Variants in BRSK1 observed in about 807,000 individuals in gnomAD.
BRSK1 encodes the protein serine/threonine-protein kinase BRSK1.
A neutral mutation model predicts 86.2 loss-of-function variants in BRSK1; 17 were observed. That is an observed-to-expected ratio of 0.20 (90% CI 0.14 to 0.30). The LOEUF (loss-of-function observed/expected upper bound fraction) is 0.30, where lower values mean the gene tolerates loss of function less well. BRSK1 is among the 10% of genes least tolerant of loss of function. The pLI is 1.00. For missense variants in BRSK1, 719 were observed against 1,071.9 expected, an observed-to-expected ratio of 0.67 and a Z score of 4.60; for synonymous variants, 464 against 440.1, an observed-to-expected ratio of 1.05 and a Z score of -0.68.
intron 18 of BRSK1, among the ~76,000 whole-genome samples, chr19:55,311,296 C>T (rs1450581063): frequency 2.6e-5 from 4 of 152,114 alleles, no homozygotes; most frequent in South Asian, 2.1e-4. Flanking sequence ...ACGAGGTCTC[C>T]GCCACGGGAC....
chr19:55,302,670 C>A lies in BRSK1; in HGVS notation c.858-27C>A. The A allele has an allele frequency of 6.3e-7, 1 of 1,587,540 alleles. No homozygotes were observed. The highest frequency in any genetic ancestry group is 8.6e-7 in the Non-Finnish European group (1 of 1,163,366). On this transcript the variant is annotated intron_variant, in intron 9 of 18. Transcript: ENST00000309383. This position sits in a 1 kb window ranked among gnomAD's most constrained non-coding sequence, Gnocchi z 6.3. ...AATGCTGAATCTCAGAAGCCCGGTTCCCAATAATGTTTCTCCACTTCCCCA... is the reference window on the plus strand; with the variant it reads ...AATGCTGAATCTCAGAAGCCCGGTTACCAATAATGTTTCTCCACTTCCCCA...
intron 7 of BRSK1, among the ~76,000 whole-genome samples, chr19:55,299,087 C>T (rs1405021126): frequency 2.6e-5 from 4 of 152,002 alleles, no homozygotes; most frequent in Non-Finnish European, 5.9e-5. Flanking sequence ...ACCCGGGAGG[C>T]GGAGGCTGCA....
In BRSK1 at chr19:55,301,499, A is replaced by G. The variant is rs2088568624; in HGVS notation, c.679-13A>G. On this transcript the variant is annotated splice_polypyrimidine_tract_variant and intron_variant, in intron 7 of 18. Transcript: ENST00000309383. ...AATGTGCTAATGAGGGGTCCTGGTTATCTCTTGCCCAGGGGGCTCTGCCCT... is the reference window on the plus strand; with the variant it reads ...AATGTGCTAATGAGGGGTCCTGGTTGTCTCTTGCCCAGGGGGCTCTGCCCT... 6.2e-7 allele frequency: 1 copy of G among 1,612,864 alleles called. No homozygotes were observed. The highest frequency in any genetic ancestry group is 8.5e-7 in the Non-Finnish European group (1 of 1,179,620).
intron 7 of BRSK1, among the ~76,000 whole-genome samples, chr19:55,298,191 CTTTTT>C (rs377504520): frequency 1.4e-5 from 1 of 70,362 alleles, no homozygotes; most frequent in African/African-American, 5.1e-5. Flanking sequence ...GTAGTTTATT[CTTTTT>C]TTTTTGTTTC....
chr19:55,300,841 C>CA (rs1434936321), intron 7 of BRSK1, among the ~76,000 whole-genome samples: 2 of 151,930 alleles, frequency 1.3e-5, no homozygotes, highest in Non-Finnish European at 2.9e-5. Context: ...AACTCCATCT[C>CA]AAAAAAGAAA....
chr19:55,298,765 G>A (rs961214975), intron 7 of BRSK1, among the ~76,000 whole-genome samples: 17 of 152,100 alleles, frequency 1.1e-4, no homozygotes, highest in Admixed American at 1.1e-3. Context: ...TGGCAATTTC[G>A]TTGTTTAAAA....
At chr19:55,293,497 A>G (rs1164669534) in intron 4 of BRSK1, among the ~76,000 whole-genome samples, 1 of 150,562 alleles carries the variant, frequency 6.6e-6, no homozygotes, top group East Asian at 2.0e-4. Flanking sequence ...ATGAGACTCC[A>G]TCTCAATAAA....
chr19:55,297,010 C>T (rs931061391), intron 7 of BRSK1, among the ~76,000 whole-genome samples: 1 of 150,372 alleles, frequency 6.7e-6, no homozygotes, highest in African/African-American at 2.4e-5. Context: ...AGTGACACCT[C>T]GTCTCAAAAA....
intron 17 of BRSK1, among the ~76,000 whole-genome samples, chr19:55,307,391 A>T (rs2088668342): frequency 6.6e-6 from 1 of 151,874 alleles, no homozygotes; most frequent in South Asian, 2.1e-4. Context: ...TCTACTAAAA[A>T]TACCAAAATA....
intron 4 of BRSK1, among the ~76,000 whole-genome samples, chr19:55,291,211 G>A (rs1399223943): frequency 1.3e-5 from 2 of 152,120 alleles, no homozygotes; most frequent in Admixed American, 6.6e-5. Context: ...CAAGGCATGA[G>A]CCACTGCGCC....
chr19:55,304,492 C>G lies in BRSK1; in HGVS notation c.1348-59C>G. Reference sequence around the variant, plus strand: ...CGTGAGTGTGCGTGTGAGTGGGGCTCCTAGAGCCTCCTGGGAGTTGTAGTC... The same window carrying G: ...CGTGAGTGTGCGTGTGAGTGGGGCTGCTAGAGCCTCCTGGGAGTTGTAGTC... On this transcript the variant is annotated intron_variant, in intron 13 of 18. Coordinates refer to ENST00000309383, the MANE Select transcript of BRSK1 (RefSeq NM_032430.2). The surrounding 1 kb of genome is among the most constrained non-coding windows in gnomAD (Gnocchi z 5.2). 6.8e-7 allele frequency: 1 copy of G among 1,479,088 alleles called. No homozygotes were observed. Among genetic ancestry groups the G allele is most frequent in the Admixed American group, 2.6e-5 (1 of 38,420 alleles). The allele number at this position is 1,479,088 out of a possible 1,614,324, so 91.6% of individuals were successfully genotyped here.
At chr19:55,286,918 G>A in intron 1 of BRSK1, 89 bp from the exon 2 acceptor site, 2 of 1,194,070 alleles carry the variant, frequency 1.7e-6, no homozygotes, top group Non-Finnish European at 2.5e-6. Context: ...CAGGAGGAAG[G>A]AGCAAACAGG....
rs867304166 is a variant in BRSK1, at chr19:55,287,530, C to T, written c.317+231C>T. 6.6e-6 allele frequency among the ~76,000 whole-genome samples: 1 copy of T among 152,206 alleles called. No homozygotes were observed. The highest frequency in any genetic ancestry group is 2.1e-4 in the South Asian group (1 of 4,834). On this transcript the variant is annotated intron_variant, in intron 3 of 18. Coordinates refer to ENST00000309383, the MANE Select transcript of BRSK1 (RefSeq NM_032430.2). The surrounding 1 kb of genome is among the most constrained non-coding windows in gnomAD (Gnocchi z 5.3). ...AGGCCAAGGGCAACCATCCTCCTACCGTGTCCCCAGCTCCAGCTCCTCGCC... is the reference window on the plus strand; with the variant it reads ...AGGCCAAGGGCAACCATCCTCCTACTGTGTCCCCAGCTCCAGCTCCTCGCC...
intron 17 of BRSK1, 46 bp from the exon 18 acceptor site, chr19:55,308,593 G>T (rs2088703385): frequency 6.6e-7 from 1 of 1,517,170 alleles, no homozygotes; most frequent in East Asian, 2.3e-5. Flanking sequence ...GGCCTTCCCG[G>T]TCCTGGACCC....
chr19:55,302,958 C>T lies in BRSK1; in HGVS notation c.1028+91C>T, dbSNP rs146532428. ...CATGCAGAGTGCTGGGCGAGGAACC[C>T]TGGCCTCTCATGGGGCATGGTTTGA... is the stretch of plus-strand genomic sequence containing the variant. On this transcript the variant is annotated intron_variant, in intron 10 of 18. Coordinates refer to ENST00000309383, the MANE Select transcript of BRSK1 (RefSeq NM_032430.2). The surrounding 1 kb of genome is among the most constrained non-coding windows in gnomAD (Gnocchi z 6.3). 1.4e-3 allele frequency: 2,103 copies of T among 1,496,640 alleles called. 25 individuals are homozygous for T. In the African/African-American group the frequency reaches 0.025, roughly 18 times the overall value. 92.7% of individuals were successfully genotyped at this position (1,496,640 alleles called of 1,614,324 possible).
Position 55,302,035 on chromosome 19 carries a change from G to C in BRSK1, c.826-102G>C, listed in dbSNP as rs528711627. On this transcript the variant is annotated intron_variant, in intron 8 of 18. Coordinates refer to ENST00000309383, the MANE Select transcript of BRSK1 (RefSeq NM_032430.2). The surrounding 1 kb of genome is among the most constrained non-coding windows in gnomAD (Gnocchi z 6.3). ...CATCCTGCCCCCGGTGGGGTGGGCG[G>C]GGAGATGATCAGGGACCCCAAAACC... 7.6e-7 allele frequency: 1 copy of C among 1,312,998 alleles called. No homozygotes were observed. The highest frequency in any genetic ancestry group is 1.1e-6 in the Non-Finnish European group (1 of 906,850). The allele number at this position is 1,312,998 out of a possible 1,614,324, so 81.3% of individuals were successfully genotyped here.
At chr19:55,293,372 C>G (rs2088436885) in intron 4 of BRSK1, among the ~76,000 whole-genome samples, 1 of 152,012 alleles carries the variant, frequency 6.6e-6, no homozygotes, top group Non-Finnish European at 1.5e-5. Context: ...TGTGGTGGCA[C>G]ATGCCTGCAA....
chr19:55,307,326 G>A (rs1038716775), intron 17 of BRSK1, among the ~76,000 whole-genome samples: 115 of 152,260 alleles, frequency 7.6e-4, no homozygotes, highest in African/African-American at 2.6e-3. Flanking sequence ...TTGGGAGGCT[G>A]AGACGAGCAG....
chr19:55,293,889 A>G, intron 4 of BRSK1, 128 bp from the exon 5 acceptor site: 1 of 669,148 alleles, frequency 1.5e-6, no homozygotes, highest in Admixed American at 2.7e-5. Context: ...AATGAATGAT[A>G]ATAAATGGTC....
Sources: allele counts gnomAD v4.1 joint callset (sites outside exome capture counted in the v4.1 genomes callset), GRCh38; gene constraint gnomAD v4.1.1; non-coding constraint Gnocchi (gnomAD v3.1); transcripts MANE v1.5; gene names NCBI Gene and HGNC (gene_info 2026-07-23, HGNC 2026-07-21).